METTL2B: variants seen among roughly 807,000 people sequenced by gnomAD.
The protein encoded by METTL2B is tRNA N(3)-cytidine methyltransferase METTL2B.
In METTL2B, 28 loss-of-function variants were observed where a neutral mutation model predicts 51.0. That is an observed-to-expected ratio of 0.55 (90% confidence interval 0.41 to 0.75). The LOEUF (loss-of-function observed/expected upper bound fraction) is 0.75, where lower values mean the gene tolerates loss of function less well. Among genes scored for constraint, METTL2B ranks in the 30% least tolerant of loss-of-function variants. The pLI is 0.00. For missense variants in METTL2B, 313 were observed against 460.7 expected, an observed-to-expected ratio of 0.68 and a Z score of 2.93; for synonymous variants, 128 against 166.3, an observed-to-expected ratio of 0.77 and a Z score of 1.77.
intron 2 of METTL2B, among the ~76,000 whole-genome samples, chr7:128,477,541 G>A (rs1799818441): frequency 6.6e-6 from 1 of 151,990 alleles, no homozygotes; most frequent in Non-Finnish European, 1.5e-5. Context: ...TGTTTCCATT[G>A]AAGCTTCATT....
At chr7:128,490,454 G>A (rs1792808675) in intron 5 of METTL2B, among the ~76,000 whole-genome samples, 1 of 151,816 alleles carries the variant, frequency 6.6e-6, no homozygotes, top group Non-Finnish European at 1.5e-5. Context: ...TTCCATTGGG[G>A]TTCTTTGAGT....
intron 5 of METTL2B, among the ~76,000 whole-genome samples, chr7:128,490,530 C>T (rs1005499582): frequency 2.0e-5 from 3 of 152,128 alleles, no homozygotes; most frequent in Non-Finnish European, 4.4e-5. Context: ...AACCTAAGGG[C>T]ACAAAATACA....
At chr7:128,486,222 A>T (rs958250169) in intron 4 of METTL2B, among the ~76,000 whole-genome samples, 2 of 151,972 alleles carry the variant, frequency 1.3e-5, no homozygotes, top group African/African-American at 4.8e-5. Context: ...TGGACCCAGG[A>T]GTGGAGGTTG....
chr7:128,498,347 T>C (rs1437960104), intron 7 of METTL2B, among the ~76,000 whole-genome samples: 1 of 78,120 alleles, frequency 1.3e-5, no homozygotes, highest in African/African-American at 5.1e-5. Context: ...TGTCTGGAGG[T>C]GGGGGGGCTG....
chr7:128,501,244 G>T (rs1385469518), intron 8 of METTL2B: 1 of 985,276 alleles, frequency 1.0e-6, no homozygotes, highest in Admixed American at 6.2e-5. Context: ...ACTCTGCAAG[G>T]CTCACCTCCA....
At chr7:128,496,410 G>A (rs917484088) in intron 6 of METTL2B, among the ~76,000 whole-genome samples, 1 of 152,100 alleles carries the variant, frequency 6.6e-6, no homozygotes, top group African/African-American at 2.4e-5. Context: ...AAATTAGCCA[G>A]GTGCATATTT....
intron 7 of METTL2B, among the ~76,000 whole-genome samples, chr7:128,498,696 T>C (rs1792970625): frequency 6.6e-6 from 1 of 152,040 alleles, no homozygotes; most frequent in Non-Finnish European, 1.5e-5. Context: ...AGAGCTTTTA[T>C]TAGAAAGACA....
rs1563032582 is a variant in METTL2B at position 128,502,467 on chromosome 7, G to C, written c.*551G>C. 1 of 391,050 alleles carries C rather than the reference G, an allele frequency of 2.6e-6. No homozygotes were observed. The highest frequency in any genetic ancestry group is 5.0e-6 in the Non-Finnish European group (1 of 201,378). 24.2% of individuals were successfully genotyped at this position (391,050 alleles called of 1,614,324 possible). The stretch of plus-strand genomic sequence containing the variant: ...TTGCAGTTAATACATACAGGGGTTA[G>C]TGAAGGGCTTATTAAGTTGTAGGGG... On this transcript the variant is annotated 3_prime_UTR_variant, in exon 9 of 9. Coordinates refer to ENST00000262432, the MANE Select transcript of METTL2B (RefSeq NM_018396.3).
At position 128,498,138 on chromosome 7, in the gene METTL2B, A is replaced by G. The variant is rs1792959435; in HGVS notation, c.912A>G (p.Lys304=). ...GRYDMAQLRF[K]KGQCLSGNFY... Reference sequence around the variant, plus strand: ...ATGACATGGCTCAGCTTCGGTTTAAAAAAGGTATTTTGAGAGTGCTGAATC... The same window carrying G: ...ATGACATGGCTCAGCTTCGGTTTAAGAAAGGTATTTTGAGAGTGCTGAATC... Residue 304 remains lysine (K), a synonymous_variant, in exon 7 of 9, where the codon AAA becomes AAG. Coordinates refer to ENST00000262432, the MANE Select transcript of METTL2B (RefSeq NM_018396.3). The G allele has an allele frequency of 3.7e-6, 6 of 1,613,310 alleles. 1 individual carries two copies. In the South Asian group the frequency reaches 6.6e-5, roughly 18 times the overall value.
At chr7:128,477,658 A>G (rs1481748473) in intron 2 of METTL2B, among the ~76,000 whole-genome samples, 1 of 151,900 alleles carries the variant, frequency 6.6e-6, no homozygotes, top group East Asian at 1.9e-4. Flanking sequence ...AGTCAAGGAA[A>G]GGTGGATGCA....
chr7:128,497,874 C>T (rs556798887), intron 6 of METTL2B, among the ~76,000 whole-genome samples, 162 bp from the exon 7 acceptor site: 172 of 152,338 alleles, frequency 1.1e-3, no homozygotes, highest in African/African-American at 4.0e-3. Flanking sequence ...TGTGAGCAGG[C>T]AGCTAACGTC....
chr7:128,494,776 C>T (rs1308496294), intron 6 of METTL2B, among the ~76,000 whole-genome samples: 6 of 150,564 alleles, frequency 4.0e-5, no homozygotes, highest in Middle Eastern at 3.5e-3. Context: ...TACAGGCACC[C>T]GCCACCATGC....
chr7:128,486,354 C>G (rs1414838117), intron 4 of METTL2B, among the ~76,000 whole-genome samples: 3 of 151,740 alleles, frequency 2.0e-5, no homozygotes, highest in Non-Finnish European at 4.4e-5. Context: ...AATCTGAACA[C>G]TTTGGGAAGC....
At chr7:128,490,887 G>A (rs966305214) in intron 5 of METTL2B, among the ~76,000 whole-genome samples, 4 of 152,138 alleles carry the variant, frequency 2.6e-5, no homozygotes, top group African/African-American at 9.7e-5. Context: ...TTATGGCTGG[G>A]TGCAGTGGCT....
At chr7:128,493,475 G>A (rs1792871838) in intron 5 of METTL2B, among the ~76,000 whole-genome samples, 1 of 152,176 alleles carries the variant, frequency 6.6e-6, no homozygotes, top group South Asian at 2.1e-4. Flanking sequence ...GCCTCCCAAA[G>A]TGCTGGGATT....
intron 5 of METTL2B, among the ~76,000 whole-genome samples, chr7:128,491,154 C>CA (rs56007742): frequency 0.39 from 39,858 of 103,356 alleles, 8,578 homozygotes; most frequent in Middle Eastern, 0.53. Context: ...GACTCCATCT[C>CA]AAAAAAAAAA....
At chr7:128,486,445 CA>C (rs1278890295) in intron 4 of METTL2B, among the ~76,000 whole-genome samples, 1 of 151,870 alleles carries the variant, frequency 6.6e-6, no homozygotes, top group Non-Finnish European at 1.5e-5. Context: ...CCTAAAAATA[CA>C]AAAATTAACA....
rs865890087 is a variant in METTL2B, at chr7:128,502,626, C to G, written c.*710C>G. The G allele has an allele frequency of 2.2e-6, 1 of 453,470 alleles. No individual in the cohort carries two copies. Among genetic ancestry groups the G allele is most frequent in the Non-Finnish European group, 4.4e-6 (1 of 226,518 alleles). The allele number at this position is 453,470 out of a possible 1,614,324, so 28.1% of individuals were successfully genotyped here. ...GCTTTAATCTTAGTTCCGCCAGGCA[C>G]GGTGGCTCACACCTGTAATCCCAGC... is the stretch of plus-strand genomic sequence containing the variant. On this transcript the variant is annotated 3_prime_UTR_variant, in exon 9 of 9. Coordinates refer to ENST00000262432, the MANE Select transcript of METTL2B (RefSeq NM_018396.3).
At chr7:128,478,460 A>AC (rs1584787991) in intron 2 of METTL2B, among the ~76,000 whole-genome samples, 1 of 151,484 alleles carries the variant, frequency 6.6e-6, no homozygotes, top group Middle Eastern at 3.2e-3. Context: ...CATGCTGGCC[A>AC]GGATGGTCTC....
Sources: gnomAD v4.1 joint callset for allele counts (sites outside exome capture counted in the v4.1 genomes callset) on GRCh38, gnomAD v4.1.1 for gene constraint, MANE v1.5 for transcripts, NCBI Gene and HGNC (gene_info 2026-07-23, HGNC 2026-07-21) for gene names.